The following WWOX variants were observed in gnomAD, a reference collection of about 807,000 sequenced individuals.
WWOX encodes WW domain-containing oxidoreductase.
In WWOX, 69 loss-of-function variants were observed where a neutral mutation model predicts 46.2. The ratio of observed to expected loss-of-function variants is 1.49; its 90% CI spans 1.23 to 1.82. The LOEUF (loss-of-function observed/expected upper bound fraction) is 1.82, where lower values mean the gene tolerates loss of function less well. Ranked by LOEUF, WWOX falls within the 40% of genes most tolerant of loss-of-function variation. WWOX has a pLI of 0.00. For missense variants in WWOX, 919 were observed against 542.6 expected (o/e 1.69, Z -6.89); for synonymous variants, 359 against 202.6 (o/e 1.77, Z -6.56).
intron 8 of WWOX, among the ~76,000 whole-genome samples, chr16:78,498,663 C>T (rs56032971): frequency 2.1e-4 from 32 of 152,186 alleles, no homozygotes; most frequent in African/African-American, 7.7e-4. Context: ...AGGAGAGCAG[C>T]GGCATTTACT....
chr16:79,199,289 C>T (rs2051300823), intron 8 of WWOX, among the ~76,000 whole-genome samples: 1 of 152,150 alleles, frequency 6.6e-6, no homozygotes, highest in South Asian at 2.1e-4. Context: ...TCTCGAACTC[C>T]TGACCTCAAG....
intron 8 of WWOX, among the ~76,000 whole-genome samples, chr16:78,606,085 A>C (rs2045749716): frequency 6.6e-6 from 1 of 152,232 alleles, no homozygotes; most frequent in South Asian, 2.1e-4. Context: ...GACACTGTTC[A>C]GTTTACGCTT....
intron 8 of WWOX, among the ~76,000 whole-genome samples, chr16:79,022,031 A>G (rs1257362813): frequency 2.0e-5 from 3 of 152,220 alleles, no homozygotes. Context: ...GCTTTGACAC[A>G]TGAATAGGAG....
intron 8 of WWOX, among the ~76,000 whole-genome samples, chr16:78,567,344 G>C (rs962579737): frequency 1.3e-5 from 2 of 150,972 alleles, no homozygotes; most frequent in Admixed American, 6.6e-5. Flanking sequence ...AGGAGATCGA[G>C]ACCATCCTGG....
At chr16:78,431,377 C>G (rs2083213281) in intron 7 of WWOX, among the ~76,000 whole-genome samples, 1 of 152,134 alleles carries the variant, frequency 6.6e-6, no homozygotes, top group African/African-American at 2.4e-5. Flanking sequence ...AATTTTTAAT[C>G]TAGAAAAGAG....
intron 6 of WWOX, among the ~76,000 whole-genome samples, chr16:78,389,381 C>A (rs749242863): frequency 6.6e-6 from 1 of 152,182 alleles, no homozygotes; most frequent in Admixed American, 6.5e-5. Flanking sequence ...CCCTGGAAGC[C>A]ACAGTAACCG....
chr16:78,846,852 A>G (rs901554299), intron 8 of WWOX, among the ~76,000 whole-genome samples: 2 of 151,924 alleles, frequency 1.3e-5, no homozygotes, highest in Non-Finnish European at 2.9e-5. Context: ...CATGCCTTCT[A>G]TTTTTTGGTG....
At chr16:79,169,578 G>C (rs2050660952) in intron 8 of WWOX, among the ~76,000 whole-genome samples, 1 of 152,194 alleles carries the variant, frequency 6.6e-6, no homozygotes, top group African/African-American at 2.4e-5. Flanking sequence ...GGATGGGGAA[G>C]AGGAATTTTG....
chr16:78,915,813 ATCT>A (rs999471150), intron 8 of WWOX, among the ~76,000 whole-genome samples: 7 of 152,298 alleles, frequency 4.6e-5, no homozygotes, highest in Admixed American at 1.3e-4. Flanking sequence ...TAACTCTCAA[ATCT>A]TCTTCTTCCA....
intron 5 of WWOX, among the ~76,000 whole-genome samples, chr16:78,354,486 A>G (rs939908897): frequency 1.3e-5 from 2 of 152,076 alleles, no homozygotes; most frequent in African/African-American, 4.8e-5. Flanking sequence ...TTGATGATGT[A>G]TTGAAAACTT....
At chr16:78,180,232 C>T (rs1178177097) in intron 5 of WWOX, among the ~76,000 whole-genome samples, 1 of 152,162 alleles carries the variant, frequency 6.6e-6, no homozygotes, top group Admixed American at 6.5e-5. Flanking sequence ...CATTCTGGAG[C>T]AGTGGGAGCC....
intron 8 of WWOX, among the ~76,000 whole-genome samples, chr16:78,983,395 G>A (rs1488471846): frequency 1.3e-5 from 2 of 152,084 alleles, no homozygotes; most frequent in East Asian, 3.9e-4. Context: ...TGGATAGGAT[G>A]GATATTTTCC....
At chr16:78,958,590 G>T (rs1157408944) in intron 8 of WWOX, among the ~76,000 whole-genome samples, 3 of 152,220 alleles carry the variant, frequency 2.0e-5, no homozygotes, top group Non-Finnish European at 2.9e-5. Flanking sequence ...TTTTAACAGT[G>T]CTGCCCCTCT....
chr16:78,284,978 G>A lies in WWOX; in HGVS notation c.517-101882G>A, dbSNP rs546980069. On this transcript the variant is annotated intron_variant, in intron 5 of 8. Coordinates refer to ENST00000566780, the MANE Select transcript of WWOX (RefSeq NM_016373.4). ...CTCTGCTGTCTATTTAGGGAAAATG[G>A]AACTGATCTTTCTGAAATAGGCATG... 8.7e-4 allele frequency among the ~76,000 whole-genome samples: 132 copies of A among 152,298 alleles called. 2 individuals are homozygous for A. The highest frequency in any genetic ancestry group is 2.9e-3 in the African/African-American group (119 of 41,558).
intron 1 of WWOX, chr16:78,100,223 C>T: frequency 1.7e-6 from 2 of 1,158,642 alleles, no homozygotes; most frequent in Non-Finnish European, 2.2e-6. Flanking sequence ...CTCCTGCAGG[C>T]TCTGGGTTGC....
At chr16:78,185,580 A>G (rs1380772863) in intron 5 of WWOX, among the ~76,000 whole-genome samples, 1 of 152,120 alleles carries the variant, frequency 6.6e-6, no homozygotes, top group Non-Finnish European at 1.5e-5. Flanking sequence ...TCCTGTCACC[A>G]TGAAGTAGGC....
At chr16:78,931,888 T>C (rs1567657967) in intron 8 of WWOX, among the ~76,000 whole-genome samples, 1 of 152,082 alleles carries the variant, frequency 6.6e-6, no homozygotes, top group Non-Finnish European at 1.5e-5. Flanking sequence ...ATCATGGGGG[T>C]GGGTCTTTCC....
At chr16:78,803,920 G>C (rs895910509) in intron 8 of WWOX, among the ~76,000 whole-genome samples, 1 of 152,110 alleles carries the variant, frequency 6.6e-6, no homozygotes, top group Non-Finnish European at 1.5e-5. Flanking sequence ...TGTGTGTGTG[G>C]GTGGGGGAGG....
chr16:78,627,713 C>G (rs2046341815), intron 8 of WWOX, among the ~76,000 whole-genome samples: 1 of 152,176 alleles, frequency 6.6e-6, no homozygotes, highest in South Asian at 2.1e-4. Flanking sequence ...TGGGAAGACT[C>G]TGGAACAACA....
Sources: allele counts gnomAD v4.1 joint callset (sites outside exome capture counted in the v4.1 genomes callset), GRCh38; gene constraint gnomAD v4.1.1; transcripts MANE v1.5; gene names NCBI Gene and HGNC (gene_info 2026-07-23, HGNC 2026-07-21).